The following WHRN variants were observed in gnomAD, a reference collection of about 807,000 sequenced individuals.
WHRN encodes the protein whirlin.
In WHRN, 41 loss-of-function variants were observed where a neutral mutation model predicts 68.3. The ratio of observed to expected loss-of-function variants is 0.60; its 90% confidence interval spans 0.47 to 0.78. WHRN has a LOEUF of 0.78. WHRN is among the 30% of genes least tolerant of loss of function. WHRN has a pLI of 0.00. For missense variants in WHRN, 1,243 were observed against 1,244.7 expected (o/e 1.00, Z 0.02); for synonymous variants, 560 against 561.3 (o/e 1.00, Z 0.03).
At chr9:114,442,421 C>A (rs1838452722) in intron 3 of WHRN, among the ~76,000 whole-genome samples, 1 of 152,144 alleles carries the variant, frequency 6.6e-6, no homozygotes, top group African/African-American at 2.4e-5. Flanking sequence ...ATGAGATAGA[C>A]AACTCCAATG....
At chr9:114,422,256 C>A (rs1315141778) in intron 7 of WHRN, among the ~76,000 whole-genome samples, 2 of 152,338 alleles carry the variant, frequency 1.3e-5, no homozygotes, top group Non-Finnish European at 2.9e-5. Flanking sequence ...TTACTCTCCC[C>A]ACTGCCTTTC....
chr9:114,486,813 G>GC (rs1405198531), intron 1 of WHRN, among the ~76,000 whole-genome samples: 3 of 35,706 alleles, frequency 8.4e-5, no homozygotes, highest in Non-Finnish European at 1.4e-4. Flanking sequence ...AGCTTCCCAG[G>GC]CAAAAAAAAA....
At position 114,403,983 on chromosome 9, in the gene WHRN, G is replaced by A; in HGVS notation, c.2331C>T (p.Gly777=). ...DAGEAEASAP[G]RGRQSVSTKS... ...TGGTGGACACCGACTGCCTTCCTCG[G>A]CCTGGGGCGCTGGCCTCTGCCTCGC... Residue 777 remains glycine (G), a synonymous_variant, in exon 10 of 12, where the codon GGC becomes GGT. Coordinates refer to ENST00000362057, the MANE Select transcript of WHRN (RefSeq NM_015404.4). The A allele has an allele frequency of 6.2e-7, 1 of 1,612,318 alleles. No homozygotes were observed.
chr9:114,409,096 C>A (rs1835244756), intron 7 of WHRN, among the ~76,000 whole-genome samples: 1 of 152,186 alleles, frequency 6.6e-6, no homozygotes. Context: ...GTGGGCCAAT[C>A]CCACACAATA....
chr9:114,438,838 C>T (rs1838117421), intron 3 of WHRN, among the ~76,000 whole-genome samples: 1 of 152,200 alleles, frequency 6.6e-6, no homozygotes, highest in African/African-American at 2.4e-5. Flanking sequence ...CACTGAAGCA[C>T]TGTTTGTGAC....
At chr9:114,453,196 G>A (rs1251667914) in intron 3 of WHRN, among the ~76,000 whole-genome samples, 1 of 152,222 alleles carries the variant, frequency 6.6e-6, no homozygotes, top group African/African-American at 2.4e-5. Context: ...TTTACTCATG[G>A]CAGATGGTGA....
chr9:114,428,781 C>T (rs570441602), intron 3 of WHRN, among the ~76,000 whole-genome samples: 1 of 152,090 alleles, frequency 6.6e-6, no homozygotes, highest in Non-Finnish European at 1.5e-5. Context: ...CCTTTACCCC[C>T]CTGAGCAGAT....
intron 1 of WHRN, among the ~76,000 whole-genome samples, chr9:114,486,981 A>G (rs1402403950): frequency 0.019 from 63 of 3,332 alleles, 2 homozygotes; most frequent in African/African-American, 0.023. Flanking sequence ...ATATATATAT[A>G]TATATATATA....
chr9:114,402,794 T>C lies in WHRN; in HGVS notation c.2684A>G (p.Tyr895Cys). Residue 895 changes from tyrosine to cysteine, a missense_variant, in exon 12 of 12, where the codon TAC becomes TGC. By Grantham distance (194) the Tyr-to-Cys change is radical. Transcript: ENST00000362057. ...GAACTCAGTGACCAGAAAGTCAATG[T>C]AGTCACGGTCCTTAGTCTTGAAGGC... ...AEAFKTKDRD[Y>C]IDFLVTEFNV... The C allele has an allele frequency of 6.2e-7, 1 of 1,614,094 alleles. No individual in the cohort carries two copies.
intron 3 of WHRN, among the ~76,000 whole-genome samples, chr9:114,453,257 G>A (rs1362773389): frequency 2.0e-5 from 3 of 152,102 alleles, no homozygotes; most frequent in South Asian, 2.1e-4. Flanking sequence ...AGAGGTCCCA[G>A]GCTCTTTTAA....
chr9:114,501,967 G>C (rs147124244), intron 1 of WHRN, among the ~76,000 whole-genome samples: 1 of 152,310 alleles, frequency 6.6e-6, no homozygotes, highest in East Asian at 1.9e-4. Context: ...AGTTCTCCAG[G>C]TGTTCTTTTA....
chr9:114,504,723 C>T lies in WHRN; in HGVS notation c.79G>A (p.Gly27Ser). Reference protein sequence around the residue: ...SLGSAAGAGGGGGAGLRLLSA... With the variant: ...SLGSAAGAGGSGGAGLRLLSA... The stretch of plus-strand genomic sequence containing the variant: ...AGTAACCGCAGCCCCGCGCCCCCGC[C>T]GCCGCCCGCCCCGGCCGCCGAGCCC... The change falls in exon 1 of 12, where the codon GGC becomes AGC. Residue 27 changes from glycine to serine, a missense_variant. Gly to Ser is a moderately conservative substitution (Grantham distance 56, BLOSUM62 0). Transcript: ENST00000362057. 2 of 1,509,370 alleles carry T rather than the reference C, an allele frequency of 1.3e-6. No individual in the cohort carries two copies. Among genetic ancestry groups the T allele is most frequent in the South Asian group, 1.3e-5 (1 of 79,608 alleles). 93.5% of individuals were successfully genotyped at this position (1,509,370 alleles called of 1,614,324 possible). A position where few individuals can be genotyped will look rare whatever the true frequency, so the allele number is the denominator to read the frequency against.
At chr9:114,432,481 T>C (rs910860794) in intron 3 of WHRN, among the ~76,000 whole-genome samples, 1 of 152,234 alleles carries the variant, frequency 6.6e-6, no homozygotes, top group African/African-American at 2.4e-5. Flanking sequence ...TAACAGCTAG[T>C]GTGTTGTGCA....
At chr9:114,407,587 CTTAA>C (rs1398593012) in intron 8 of WHRN, among the ~76,000 whole-genome samples, 2 of 152,222 alleles carry the variant, frequency 1.3e-5, no homozygotes, top group African/African-American at 2.4e-5. Context: ...AAAGGCTTTA[CTTAA>C]TTAATTTACT....
chr9:114,430,457 G>GT (rs1465508967), intron 3 of WHRN, among the ~76,000 whole-genome samples: 3 of 152,178 alleles, frequency 2.0e-5, no homozygotes, highest in Non-Finnish European at 4.4e-5. Context: ...TGGGGTGGAG[G>GT]TATCAGTCAC....
chr9:114,459,293 A>C (rs1228101910), intron 3 of WHRN, among the ~76,000 whole-genome samples: 1 of 79,982 alleles, frequency 1.3e-5, no homozygotes. Flanking sequence ...TCCTGTTTCT[A>C]CTAAAAATAC....
At chr9:114,423,797 C>G (rs1836544558) in intron 6 of WHRN, among the ~76,000 whole-genome samples, 1 of 152,228 alleles carries the variant, frequency 6.6e-6, no homozygotes, top group Non-Finnish European at 1.5e-5. Flanking sequence ...CACAAAGCCT[C>G]TGGCTGTCTG....
At chr9:114,463,658 G>A (rs536264244) in intron 3 of WHRN, among the ~76,000 whole-genome samples, 2 of 152,092 alleles carry the variant, frequency 1.3e-5, no homozygotes, top group Admixed American at 6.5e-5. Context: ...AGGAACTCTC[G>A]GCAACTTTTC....
At position 114,430,177 on chromosome 9, in the gene WHRN, T is replaced by C. The variant is rs531506980; in HGVS notation, c.964-3764A>G. Among the ~76,000 whole-genome samples the C allele has an allele frequency of 6.0e-4, 92 of 152,274 alleles. No individual in the cohort carries two copies. The South Asian group carries it at 0.018, about 31-fold the overall frequency. Reference sequence around the variant, plus strand: ...CCTTCTGTATGCAAGCCTCTTTCTATGGGTCCAGGCCAGGAGGGCAGTGAG... The same window carrying C: ...CCTTCTGTATGCAAGCCTCTTTCTACGGGTCCAGGCCAGGAGGGCAGTGAG... On this transcript the variant is annotated intron_variant, in intron 3 of 11. Transcript: ENST00000362057.
Sources: allele counts gnomAD v4.1 joint callset (sites outside exome capture counted in the v4.1 genomes callset), GRCh38; gene constraint gnomAD v4.1.1; transcripts MANE v1.5; gene names NCBI Gene and HGNC (gene_info 2026-07-23, HGNC 2026-07-21).